The following PAPPA variants were observed in gnomAD, a reference collection of about 807,000 sequenced individuals.
PAPPA encodes the protein pappalysin 1, also known as pappalysin-1.
Under a neutral mutation model 164.0 loss-of-function variants are expected in PAPPA, and 60 were observed. That is an observed-to-expected ratio of 0.37 (90% CI 0.30 to 0.45). The LOEUF is 0.45. Ranked by LOEUF, PAPPA falls within the 20% of genes least tolerant of loss-of-function variation. The pLI is 1.00. For synonymous variants in PAPPA, 875 were observed against 814.1 expected (o/e 1.07, Z -1.27); for missense variants, 1,782 against 2,087.3 (o/e 0.85, Z 2.85).
chr9:116,321,030 A>ATTT (rs373269177), intron 10 of PAPPA, among the ~76,000 whole-genome samples: 21 of 142,986 alleles, frequency 1.5e-4, no homozygotes, highest in African/African-American at 4.6e-4. Context: ...GTTGTTATAC[A>ATTT]TTTTTTTTTT....
chr9:116,204,181 C>G (rs1844204567), intron 2 of PAPPA, among the ~76,000 whole-genome samples: 1 of 152,148 alleles, frequency 6.6e-6, no homozygotes, highest in African/African-American at 2.4e-5. Flanking sequence ...GAGACTTAAA[C>G]CTACTTGTCC....
At chr9:116,329,225 G>A (rs2118944112) in intron 10 of PAPPA, among the ~76,000 whole-genome samples, 1 of 152,280 alleles carries the variant, frequency 6.6e-6, no homozygotes, top group East Asian at 1.9e-4. Flanking sequence ...AGGATGGGCT[G>A]TCATAGAAAA....
In PAPPA at chr9:116,402,093, C is replaced by A. The variant is rs1847066197; in HGVS notation, c.*5477C>A. 6.6e-6 allele frequency: 1 copy of A among 152,026 alleles called. No individual in the cohort carries two copies. The highest frequency in any genetic ancestry group is 1.5e-5 in the Non-Finnish European group (1 of 67,888). The allele number at this position is 152,026 out of a possible 1,614,324, so 9.4% of individuals were successfully genotyped here. On this transcript the variant is annotated 3_prime_UTR_variant, in exon 22 of 22. Coordinates refer to ENST00000328252, the MANE Select transcript of PAPPA (RefSeq NM_002581.5). ...TTTAATTTATATTTACACAATTGTT[C>A]ATCTAATTTATTTTTTCTATACAGT...
intron 19 of PAPPA, among the ~76,000 whole-genome samples, 197 bp from the exon 20 acceptor site, chr9:116,377,379 G>A (rs1008990101): frequency 2.0e-5 from 3 of 152,094 alleles, no homozygotes; most frequent in South Asian, 2.1e-4. Flanking sequence ...TGACACATGC[G>A]GTGAACACAA....
Position 116,187,394 on chromosome 9 carries a change from CCT to C in PAPPA, c.659_660del (p.Ser220TrpfsTer51). The C allele has an allele frequency of 6.2e-7, 1 of 1,614,090 alleles. No homozygotes were observed. The stretch of plus-strand genomic sequence containing the variant: ...TATGTGAATGGTGCCCAGGTGGCCA[CCT>C]CTGGGGAACAAGTGGGTGGCATATT... On this transcript the variant is annotated frameshift_variant, in exon 2 of 22. Coordinates refer to ENST00000328252, the MANE Select transcript of PAPPA (RefSeq NM_002581.5). LOFTEE classifies it high-confidence loss of function. The surrounding 1 kb of genome is among the most constrained non-coding windows in gnomAD (Gnocchi z 4.2).
Position 116,188,136 on chromosome 9 carries a change from C to T in PAPPA, c.1398C>T (p.Phe466=). 1 of 1,614,206 alleles carries T rather than the reference C, an allele frequency of 6.2e-7. No individual in the cohort carries two copies. Among genetic ancestry groups the T allele is most frequent in the East Asian group, 2.2e-5 (1 of 44,876 alleles). Residue 466 remains phenylalanine, a synonymous_variant, in exon 2 of 22, where the codon TTC becomes TTT. Coordinates refer to ENST00000328252, the MANE Select transcript of PAPPA (RefSeq NM_002581.5). ...ACATGGACTGCAACTATGAACGGTT[C>T]AACTTTGATGGTGGAGAGTGCTGTG... ...VCDMDCNYER[F]NFDGGECCDP... is the part of the protein sequence containing the mutation.
At chr9:116,355,495 G>T (rs1024983341) in intron 17 of PAPPA, among the ~76,000 whole-genome samples, 1 of 152,160 alleles carries the variant, frequency 6.6e-6, no homozygotes, top group African/African-American at 2.4e-5. Context: ...TGCATTCATG[G>T]GAGTCATTCC....
intron 1 of PAPPA, among the ~76,000 whole-genome samples, chr9:116,181,508 A>T (rs1020768648): frequency 6.6e-6 from 1 of 152,168 alleles, no homozygotes; most frequent in Non-Finnish European, 1.5e-5. Flanking sequence ...CTTTAATTTA[A>T]TTACCTTTTC....
Position 116,390,847 on chromosome 9 carries a change from A to G in PAPPA, c.4777-5662A>G, listed in dbSNP as rs1389400808. Among the ~76,000 whole-genome samples the G allele has an allele frequency of 8.5e-5, 13 of 152,188 alleles. 1 individual carries two copies. In the South Asian group the frequency reaches 2.5e-3, roughly 29 times the overall value. On this transcript the variant is annotated intron_variant, in intron 21 of 21. Transcript: ENST00000328252. ...TGTTATTACCACCACCATCATCATC[A>G]TTACCTCACTGTCAAAACCATCACC...
At chr9:116,165,015 C>T (rs1587935191) in intron 1 of PAPPA, among the ~76,000 whole-genome samples, 1 of 152,270 alleles carries the variant, frequency 6.6e-6, no homozygotes, top group African/African-American at 2.4e-5. Flanking sequence ...AGTGACCAAG[C>T]TGGGTAAAGA....
At chr9:116,277,174 T>TA (rs940999611) in intron 9 of PAPPA, among the ~76,000 whole-genome samples, 6 of 151,990 alleles carry the variant, frequency 3.9e-5, no homozygotes, top group Non-Finnish European at 7.4e-5. Flanking sequence ...CCTCTCACCT[T>TA]AAAAAAATTA....
chr9:116,209,026 C>A (rs3789288), intron 3 of PAPPA, among the ~76,000 whole-genome samples: 8,868 of 152,138 alleles, frequency 0.058, 717 homozygotes, highest in African/African-American at 0.18. Context: ...GATGCTGCTA[C>A]ATGTCCACAA....
rs1237377219 is a variant in PAPPA at position 116,154,291 on chromosome 9, C to T, written c.119C>T (p.Pro40Leu). Reference protein sequence around the residue: ...RDPRAGRPPRPAAGPATCATR... With the variant: ...RDPRAGRPPRLAAGPATCATR... ...CCGCGGGCCGGCCGACCCCCGCGCCCCGCCGCCGGCCCGGCCACCTGCGCC... is the reference window on the plus strand; with the variant it reads ...CCGCGGGCCGGCCGACCCCCGCGCCTCGCCGCCGGCCCGGCCACCTGCGCC... The change falls in exon 1 of 22, where the codon CCC becomes CTC. Residue 40 changes from proline to leucine, a missense_variant. This residue lies in a region of PAPPA where 458 missense variants were observed against 430.3 expected (regional missense o/e 1.06). Coordinates refer to ENST00000328252, the MANE Select transcript of PAPPA (RefSeq NM_002581.5). The surrounding 1 kb of genome is among the most constrained non-coding windows in gnomAD (Gnocchi z 5.2). The T allele has an allele frequency of 3.1e-6, 3 of 967,140 alleles. No individual in the cohort carries two copies. The highest frequency in any genetic ancestry group is 9.3e-5 in the South Asian group (2 of 21,518). The allele number at this position is 967,140 out of a possible 1,614,324, so 59.9% of individuals were successfully genotyped here.
chr9:116,265,991 T>G lies in PAPPA; in HGVS notation c.2861+6T>G. ...GGCGATGGCATTATACAAAAGTAAG[T>G]AGATCTAATTAAAGAAAGAAGAGGA... On this transcript the variant is annotated splice_donor_region_variant and intron_variant, in intron 8 of 21. Coordinates refer to ENST00000328252, the MANE Select transcript of PAPPA (RefSeq NM_002581.5). The G allele has an allele frequency of 1.3e-6, 2 of 1,594,080 alleles. No individual in the cohort carries two copies. The highest frequency in any genetic ancestry group is 1.7e-6 in the Non-Finnish European group (2 of 1,164,324).
At chr9:116,235,668 T>G in intron 7 of PAPPA, 31 bp downstream of exon 7, 1 of 1,610,730 alleles carries the variant, frequency 6.2e-7, no homozygotes, top group South Asian at 1.1e-5. Context: ...GGGAGTTTAT[T>G]AAGTGGGTGG....
intron 18 of PAPPA, among the ~76,000 whole-genome samples, chr9:116,366,567 C>T (rs1846502405): frequency 6.6e-6 from 1 of 152,196 alleles, no homozygotes; most frequent in African/African-American, 2.4e-5. Context: ...CCACTCATTT[C>T]CTGATCCATT....
intron 12 of PAPPA, among the ~76,000 whole-genome samples, chr9:116,333,461 C>T (rs575013837): frequency 1.3e-5 from 2 of 152,254 alleles, no homozygotes; most frequent in Admixed American, 1.3e-4. Flanking sequence ...GAATTTTTGG[C>T]CACTACTGAA....
chr9:116,180,992 G>A (rs1235470758), intron 1 of PAPPA, among the ~76,000 whole-genome samples: 1 of 152,204 alleles, frequency 6.6e-6, no homozygotes, highest in Admixed American at 6.5e-5. Flanking sequence ...CTTGAGGTGA[G>A]GAATGTTTCC....
chr9:116,250,281 G>T (rs1038147113), intron 7 of PAPPA, among the ~76,000 whole-genome samples: 1 of 152,132 alleles, frequency 6.6e-6, no homozygotes, highest in Non-Finnish European at 1.5e-5. Flanking sequence ...GCAAAGCAAT[G>T]CCAGCTCCCC....
Sources: gnomAD v4.1 joint callset for allele counts (sites outside exome capture counted in the v4.1 genomes callset) on GRCh38, gnomAD v4.1.1 for gene constraint, gnomAD v4.1.1 regional missense constraint, Gnocchi (gnomAD v3.1) non-coding constraint, MANE v1.5 for transcripts, NCBI Gene and HGNC (gene_info 2026-07-23, HGNC 2026-07-21) for gene names.